KCNH1: variants seen among roughly 807,000 people sequenced by gnomAD.
KCNH1 encodes the protein potassium voltage-gated channel subfamily H member 1.
A neutral mutation model predicts 69.2 loss-of-function variants in KCNH1; 27 were observed. The ratio of observed to expected loss-of-function variants is 0.39; its 90% CI spans 0.29 to 0.54. The LOEUF (loss-of-function observed/expected upper bound fraction) is 0.54, where lower values mean the gene tolerates loss of function less well. KCNH1 is among the 20% of genes least tolerant of loss of function. The probability of loss-of-function intolerance (pLI) is 0.68; values close to 1 mark genes in which losing one functional copy is unlikely to be tolerated. For synonymous variants in KCNH1, 456 were observed against 487.7 expected, an observed-to-expected ratio of 0.93 and a Z score of 0.86; for missense variants, 798 against 1,261.6, an observed-to-expected ratio of 0.63 and a Z score of 5.57.
chr1:211,013,823 A>C (rs1409156318), intron 6 of KCNH1, among the ~76,000 whole-genome samples: 2 of 138,778 alleles, frequency 1.4e-5, no homozygotes, highest in African/African-American at 5.4e-5. Context: ...TTGGGTAACA[A>C]ATTGCCGTCC....
At chr1:211,066,755 A>G (rs1287392687) in intron 5 of KCNH1, among the ~76,000 whole-genome samples, 2 of 152,240 alleles carry the variant, frequency 1.3e-5, no homozygotes, top group African/African-American at 2.4e-5. Flanking sequence ...CACAGGTAAA[A>G]TAAGTTGCCA....
intron 10 of KCNH1, among the ~76,000 whole-genome samples, chr1:210,695,300 T>G (rs1000141573): frequency 6.6e-6 from 1 of 152,166 alleles, no homozygotes; most frequent in South Asian, 2.1e-4. Context: ...CATGAGGAAT[T>G]TTTCCACTTG....
chr1:210,969,723 C>T (rs370087568), intron 6 of KCNH1, among the ~76,000 whole-genome samples: 16 of 152,122 alleles, frequency 1.1e-4, no homozygotes, highest in African/African-American at 3.1e-4. Flanking sequence ...GCTAATCTTG[C>T]CTGTGTATTT....
At chr1:210,750,787 T>G (rs1683265217) in intron 10 of KCNH1, among the ~76,000 whole-genome samples, 1 of 152,148 alleles carries the variant, frequency 6.6e-6, no homozygotes, top group African/African-American at 2.4e-5. Flanking sequence ...GACATTTGTA[T>G]CTTACACTCT....
intron 7 of KCNH1, among the ~76,000 whole-genome samples, chr1:210,827,530 G>GAATAATTA (rs1291906236): frequency 1.1e-4 from 16 of 152,184 alleles, no homozygotes; most frequent in Non-Finnish European, 2.1e-4. Flanking sequence ...ACTATATGCT[G>GAATAATTA]AATAATTATT....
intron 6 of KCNH1, among the ~76,000 whole-genome samples, chr1:211,003,894 C>A (rs1219506988): frequency 9.9e-5 from 15 of 152,004 alleles, no homozygotes; most frequent in African/African-American, 3.6e-4. Flanking sequence ...GAGATGGAGA[C>A]CATCCTGGCT....
chr1:210,847,031 T>C (rs1359380616), intron 7 of KCNH1, among the ~76,000 whole-genome samples: 1 of 152,132 alleles, frequency 6.6e-6, no homozygotes, highest in Non-Finnish European at 1.5e-5. Context: ...CACAATGAGA[T>C]AGCATCTCAC....
At chr1:211,097,857 G>T (rs1481008303) in intron 3 of KCNH1, among the ~76,000 whole-genome samples, 1 of 152,230 alleles carries the variant, frequency 6.6e-6, no homozygotes, top group African/African-American at 2.4e-5. Context: ...ACCACAAATT[G>T]TGGAGTCACA....
rs1280302082 is a variant in KCNH1, at chr1:210,679,917, T to G, written c.*3364A>C. 3 of 152,232 alleles carry G rather than the reference T, an allele frequency of 2.0e-5. No homozygotes were observed. The highest frequency in any genetic ancestry group is 2.9e-5 in the Non-Finnish European group (2 of 68,038). The allele number at this position is 152,232 out of a possible 1,614,324, so 9.4% of individuals were successfully genotyped here. On this transcript the variant is annotated 3_prime_UTR_variant, in exon 11 of 11. Coordinates refer to ENST00000271751, the MANE Select transcript of KCNH1 (RefSeq NM_172362.3). ...CTGTAGCATTAATGTTGTAACCTTA[T>G]TAGCATAATGTAGCATTGCATTAAT...
At chr1:210,967,376 T>C (rs1688428245) in intron 6 of KCNH1, among the ~76,000 whole-genome samples, 1 of 152,002 alleles carries the variant, frequency 6.6e-6, no homozygotes, top group African/African-American at 2.4e-5. Context: ...CCCTCTGCTA[T>C]GCAAAGGATA....
intron 5 of KCNH1, among the ~76,000 whole-genome samples, chr1:211,051,249 C>A (rs961389342): frequency 6.6e-6 from 1 of 152,110 alleles, no homozygotes; most frequent in African/African-American, 2.4e-5. Flanking sequence ...CTGCCCACCT[C>A]GGCCTCCCAA....
chr1:210,717,302 G>A (rs1293123634), intron 10 of KCNH1, among the ~76,000 whole-genome samples: 1 of 152,204 alleles, frequency 6.6e-6, no homozygotes, highest in Admixed American at 6.5e-5. Context: ...ACATGTAGGG[G>A]CTATAAGCGG....
intron 7 of KCNH1, among the ~76,000 whole-genome samples, chr1:210,906,260 C>T (rs980805877): frequency 1.3e-5 from 2 of 152,128 alleles, no homozygotes; most frequent in Non-Finnish European, 2.9e-5. Flanking sequence ...CTGTGAAAAG[C>T]GGGTCAGTAA....
chr1:210,920,348 A>G (rs1166333931), intron 6 of KCNH1, among the ~76,000 whole-genome samples: 1 of 152,234 alleles, frequency 6.6e-6, no homozygotes. Context: ...ACCTGTGGGC[A>G]TCTTTCCATA....
chr1:211,118,795 A>G (rs1558612672), intron 1 of KCNH1, among the ~76,000 whole-genome samples: 1 of 152,220 alleles, frequency 6.6e-6, no homozygotes, highest in East Asian at 1.9e-4. Flanking sequence ...GCTTTTCATC[A>G]AAATTACGAC....
At chr1:210,798,948 G>T (rs1684377702) in intron 8 of KCNH1, among the ~76,000 whole-genome samples, 2 of 151,870 alleles carry the variant, frequency 1.3e-5, no homozygotes, top group African/African-American at 4.8e-5. Flanking sequence ...ACACATTATG[G>T]TATGTCAGGC....
At chr1:210,705,804 AC>A (rs1681896683) in intron 10 of KCNH1, among the ~76,000 whole-genome samples, 1 of 151,538 alleles carries the variant, frequency 6.6e-6, no homozygotes, top group African/African-American at 2.4e-5. Context: ...TACCTCCCCC[AC>A]TGCCTAGTTA....
chr1:211,120,363 T>A (rs1691663915), intron 1 of KCNH1, among the ~76,000 whole-genome samples: 1 of 152,032 alleles, frequency 6.6e-6, no homozygotes, highest in Non-Finnish European at 1.5e-5. Context: ...CTAATTTTTA[T>A]ATTTTTAGTA....
At chr1:211,114,658 A>C (rs1465764089) in intron 1 of KCNH1, among the ~76,000 whole-genome samples, 1 of 152,194 alleles carries the variant, frequency 6.6e-6, no homozygotes, top group Non-Finnish European at 1.5e-5. Context: ...CCCATGGTTG[A>C]GAATGCCAAA....
Sources: allele counts gnomAD v4.1 joint callset (sites outside exome capture counted in the v4.1 genomes callset), GRCh38; gene constraint gnomAD v4.1.1; transcripts MANE v1.5; gene names NCBI Gene and HGNC (gene_info 2026-07-23, HGNC 2026-07-21).